The following METTL25 variants were observed in gnomAD, a reference collection of about 807,000 sequenced individuals.
METTL25 encodes the protein methyltransferase like 25.
Under a neutral mutation model 71.6 loss-of-function variants are expected in METTL25, and 64 were observed. The ratio of observed to expected loss-of-function variants is 0.89; its 90% CI spans 0.73 to 1.10. METTL25 has a LOEUF of 1.10. Among genes scored for constraint, METTL25 ranks in the 50% least tolerant of loss-of-function variants. METTL25 has a pLI of 0.00. For synonymous variants in METTL25, 287 were observed against 250.3 expected (o/e 1.15, Z -1.38); for missense variants, 807 against 707.0 (o/e 1.14, Z -1.60).
chr12:82,374,346 C>G (rs548493265), intron 1 of METTL25: 1 of 152,214 alleles, frequency 6.6e-6, no homozygotes, highest in Non-Finnish European at 1.5e-5. Flanking sequence ...AGCTTTTATT[C>G]CCTTATTTGG....
intron 9 of METTL25, among the ~76,000 whole-genome samples, chr12:82,467,185 A>G (rs1428811297): frequency 6.6e-6 from 1 of 151,644 alleles, no homozygotes; most frequent in African/African-American, 2.4e-5. Flanking sequence ...AATGTAGACC[A>G]TTTACATTCA....
chr12:82,392,708 C>T lies in METTL25; in HGVS notation c.531+2786C>T, dbSNP rs74481609. On this transcript the variant is annotated intron_variant, in intron 3 of 11. Coordinates refer to ENST00000248306, the MANE Select transcript of METTL25 (RefSeq NM_032230.3). ...GAGGTCCTACTGAAGAAATCTTTGC[C>T]TAGACCAATGTCCTAGAGTGTTTCC... Among the ~76,000 whole-genome samples the T allele has an allele frequency of 2.0e-3, 308 of 152,136 alleles. 1 individual carries two copies. Among genetic ancestry groups the T allele is most frequent in the Non-Finnish European group, 3.3e-3 (227 of 67,964 alleles).
At chr12:82,461,019 TGTGGTCCCA>T (rs202206806) in intron 9 of METTL25, among the ~76,000 whole-genome samples, 2,045 of 152,182 alleles carry the variant, frequency 0.013, 47 homozygotes, top group African/African-American at 0.046. Flanking sequence ...GGCGGGCGCC[TGTGGTCCCA>T]GCTACTCAGG....
intron 9 of METTL25, among the ~76,000 whole-genome samples, chr12:82,466,088 A>T (rs1345687415): frequency 4.0e-5 from 6 of 148,194 alleles, no homozygotes; most frequent in Non-Finnish European, 9.0e-5. Context: ...TCTCAGTTGC[A>T]TTTATTTCTG....
intron 1 of METTL25, among the ~76,000 whole-genome samples, chr12:82,371,098 A>G (rs1001105292): frequency 2.0e-5 from 3 of 152,240 alleles, no homozygotes; most frequent in African/African-American, 7.2e-5. Context: ...AGGTGGGAGA[A>G]ATACCTGGTT....
At chr12:82,448,772 G>C (rs764165570) in intron 8 of METTL25, among the ~76,000 whole-genome samples, 34 of 151,754 alleles carry the variant, frequency 2.2e-4, no homozygotes, top group Non-Finnish European at 4.7e-4. Context: ...GTAACTTGAA[G>C]ATTTTTTGGA....
chr12:82,449,673 G>T (rs1022944841), intron 8 of METTL25, among the ~76,000 whole-genome samples: 2 of 151,992 alleles, frequency 1.3e-5, no homozygotes. Context: ...TGTTCTTACT[G>T]AACCTGAATA....
At chr12:82,473,987 T>A (rs112962391) in intron 9 of METTL25, among the ~76,000 whole-genome samples, 22 of 152,206 alleles carry the variant, frequency 1.4e-4, no homozygotes, top group African/African-American at 4.6e-4. Context: ...CTGATGTTAC[T>A]CTGGTCTTAA....
At chr12:82,454,189 AAAG>A (rs148885228) in intron 8 of METTL25, among the ~76,000 whole-genome samples, 5,074 of 152,160 alleles carry the variant, frequency 0.033, 116 homozygotes, top group Non-Finnish European at 0.049. Context: ...TCAGAGAAAC[AAAG>A]AAGAGAGAGT....
Position 82,476,646 on chromosome 12 carries a change from G to A in METTL25, c.1575G>A (p.Leu525=), listed in dbSNP as rs141479769. ...TATTGTTGTTTTTTATCTTGAAGCT[G>A]CCAGAAAAAATTATAATGAACTACT... ...LKKLGLDESK[L]PEKIIMNYYE... The change falls in exon 10 of 12, where the codon CTG becomes CTA. Residue 525 remains leucine, a splice_region_variant and synonymous_variant. Coordinates refer to ENST00000248306, the MANE Select transcript of METTL25 (RefSeq NM_032230.3). 3.2e-6 allele frequency: 5 copies of A among 1,584,782 alleles called. No individual in the cohort carries two copies. In the African/African-American group the frequency reaches 6.8e-5, roughly 22 times the overall value.
chr12:82,448,944 T>C (rs1357360932), intron 8 of METTL25, among the ~76,000 whole-genome samples: 1 of 152,198 alleles, frequency 6.6e-6, no homozygotes, highest in African/African-American at 2.4e-5. Flanking sequence ...CAATCTGTCC[T>C]GCATGTGTTT....
intron 7 of METTL25, among the ~76,000 whole-genome samples, chr12:82,436,727 CAT>C (rs1193539642): frequency 6.6e-6 from 1 of 151,358 alleles, no homozygotes; most frequent in Non-Finnish European, 1.5e-5. Flanking sequence ...AATATAAATA[CAT>C]ATTTATTTCA....
chr12:82,477,231 CTTT>C, intron 10 of METTL25, 47 bp from the exon 11 acceptor site: 1 of 725,356 alleles, frequency 1.4e-6, no homozygotes. Context: ...ATAAGCTAGT[CTTT>C]TTTTTTTAAG....
chr12:82,408,597 CGTGTGTGTGTGTGTGTGT>C (rs56872887), intron 5 of METTL25, among the ~76,000 whole-genome samples: 16 of 147,636 alleles, frequency 1.1e-4, no homozygotes, highest in Non-Finnish European at 1.8e-4. Context: ...GATGTGACTC[CGTGTGTGTGTGTGTGTGT>C]GTGTGTGTGT....
chr12:82,421,454 T>C (rs1323668034), intron 5 of METTL25, among the ~76,000 whole-genome samples: 1 of 152,170 alleles, frequency 6.6e-6, no homozygotes. Flanking sequence ...CTTCATGAGA[T>C]CTAGATTTGT....
At chr12:82,407,815 A>G in intron 5 of METTL25, 2 of 985,308 alleles carry the variant, frequency 2.0e-6, no homozygotes, top group Non-Finnish European at 2.4e-6. Context: ...TTTATATTAC[A>G]GTTTTGCCTA....
At chr12:82,460,875 A>G (rs111242413) in intron 9 of METTL25, among the ~76,000 whole-genome samples, 67 of 152,318 alleles carry the variant, frequency 4.4e-4, no homozygotes, top group South Asian at 3.9e-3. Context: ...CGGGCGCGGT[A>G]GCTCACGCCT....
intron 1 of METTL25, among the ~76,000 whole-genome samples, chr12:82,386,437 C>A (rs1381866435): frequency 9.6e-6 from 1 of 104,644 alleles, no homozygotes; most frequent in Non-Finnish European, 2.1e-5. Flanking sequence ...CTTCCTCCCT[C>A]CCTCCCTCCC....
Position 82,400,593 on chromosome 12 carries a change from TG to T in METTL25, c.1131+1200del, listed in dbSNP as rs1177873701. ...CTCAATGACTTTAGTTTAACTTAAA[TG>T]TAAATTTCTAGTACATTTTGTCACC... On this transcript the variant is annotated intron_variant, in intron 4 of 11. Coordinates refer to ENST00000248306, the MANE Select transcript of METTL25 (RefSeq NM_032230.3). 1.1e-3 allele frequency among the ~76,000 whole-genome samples: 97 copies of T among 87,904 alleles called. 2 individuals carry two copies. In the East Asian group the frequency reaches 0.032, roughly 29 times the overall value. The allele number at this position is 87,904 out of a possible 152,430, so 57.7% of individuals were successfully genotyped here. A position where few individuals can be genotyped will look rare whatever the true frequency, so the allele number is the denominator to read the frequency against.
Sources: allele counts gnomAD v4.1 joint callset (sites outside exome capture counted in the v4.1 genomes callset), GRCh38; gene constraint gnomAD v4.1.1; transcripts MANE v1.5; gene names NCBI Gene and HGNC (gene_info 2026-07-23, HGNC 2026-07-21).